The following PPFIA1 variants were observed in gnomAD, a reference collection of about 807,000 sequenced individuals.
PPFIA1 encodes the protein liprin-alpha-1.
A neutral mutation model predicts 149.9 loss-of-function variants in PPFIA1; 25 were observed. The observed-to-expected ratio is 0.17, with a 90% confidence interval of 0.12 to 0.23. PPFIA1 has a LOEUF of 0.23. PPFIA1 is among the 10% of genes least tolerant of loss of function. The pLI is 1.00. For missense variants in PPFIA1, 1,362 were observed against 1,506.5 expected, an observed-to-expected ratio of 0.90 and a Z score of 1.59; for synonymous variants, 549 against 552.8, an observed-to-expected ratio of 0.99 and a Z score of 0.10.
intron 2 of PPFIA1, among the ~76,000 whole-genome samples, chr11:70,302,092 G>A (rs2052522784): frequency 6.6e-6 from 1 of 152,234 alleles, no homozygotes; most frequent in Non-Finnish European, 1.5e-5. Flanking sequence ...ACAGAATCCA[G>A]CATAGCACAG....
At chr11:70,331,147 A>AT (rs1313491827) in intron 8 of PPFIA1, among the ~76,000 whole-genome samples, 1 of 151,824 alleles carries the variant, frequency 6.6e-6, no homozygotes, top group Non-Finnish European at 1.5e-5. Context: ...AGGCAGGAGA[A>AT]TCGCTTGAAC....
intron 5 of PPFIA1, 130 bp from the exon 6 acceptor site, chr11:70,326,132 G>T: frequency 1.7e-6 from 1 of 589,636 alleles, no homozygotes; most frequent in Non-Finnish European, 3.0e-6. Flanking sequence ...GGGTAGCATT[G>T]CCATATGCTT....
At chr11:70,373,859 A>G (rs1306577697) in intron 23 of PPFIA1, 1 of 152,220 alleles carries the variant, frequency 6.6e-6, no homozygotes, top group African/African-American at 2.4e-5. Context: ...GTAAGTCGAC[A>G]TTTATACAGT....
chr11:70,283,965 G>A (rs769262497), intron 2 of PPFIA1: 2 of 530,504 alleles, frequency 3.8e-6, no homozygotes, highest in South Asian at 1.4e-5. Flanking sequence ...CTTTTCTCAA[G>A]TATTGCTGTT....
intron 21 of PPFIA1, chr11:70,365,538 C>G (rs986950892): frequency 9.4e-6 from 4 of 425,032 alleles, no homozygotes; most frequent in Admixed American, 5.1e-5. Flanking sequence ...GTTTTCCATT[C>G]AGTCGTTCCA....
At chr11:70,277,715 T>A (rs2136039406) in intron 2 of PPFIA1, among the ~76,000 whole-genome samples, 1 of 152,228 alleles carries the variant, frequency 6.6e-6, no homozygotes, top group South Asian at 2.1e-4. Context: ...GGTCTCAAGC[T>A]CCTGACCTCA....
intron 2 of PPFIA1, among the ~76,000 whole-genome samples, chr11:70,283,659 A>G (rs916981298): frequency 6.6e-6 from 1 of 151,466 alleles, no homozygotes; most frequent in African/African-American, 2.4e-5. Flanking sequence ...CCAAACTAGG[A>G]TGCTAGAATC....
chr11:70,299,353 C>T (rs1299396163), intron 2 of PPFIA1, among the ~76,000 whole-genome samples: 4 of 152,226 alleles, frequency 2.6e-5, no homozygotes, highest in Middle Eastern at 3.4e-3. Context: ...ATGTTAATAC[C>T]GTGCTTCTGC....
chr11:70,352,574 G>A (rs966738856), intron 16 of PPFIA1, among the ~76,000 whole-genome samples: 1 of 152,076 alleles, frequency 6.6e-6, no homozygotes, highest in Non-Finnish European at 1.5e-5. Flanking sequence ...TGCGTGCAGA[G>A]TGCCAGGCCT....
intron 21 of PPFIA1, among the ~76,000 whole-genome samples, chr11:70,367,077 T>G (rs1441876922): frequency 6.6e-6 from 1 of 152,238 alleles, no homozygotes; most frequent in Non-Finnish European, 1.5e-5. Context: ...GGAGCAGAAT[T>G]TGGTTAATAC....
In PPFIA1 at chr11:70,362,192, A is replaced by G. The variant is rs975823708; in HGVS notation, c.2664+16A>G. 6.2e-7 allele frequency: 1 copy of G among 1,613,906 alleles called. No homozygotes were observed. Among genetic ancestry groups the G allele is most frequent in the Admixed American group, 1.7e-5 (1 of 60,028 alleles). ...CTGGCTAGAGGTACATCCTTCATTT[A>G]ACATGCAGTTGCGTGGGTTACAGTA... On this transcript the variant is annotated intron_variant, in intron 20 of 27. Transcript: ENST00000253925.
intron 2 of PPFIA1, among the ~76,000 whole-genome samples, chr11:70,313,580 G>A (rs1048536889): frequency 6.6e-6 from 1 of 152,092 alleles, no homozygotes; most frequent in Non-Finnish European, 1.5e-5. Flanking sequence ...GTGTGAGGGC[G>A]AATGAGGGGT....
rs139575836 is a variant in PPFIA1, at chr11:70,323,248, T to C, written c.265-1154T>C. Among the ~76,000 whole-genome samples, 282 of 152,302 alleles carry C rather than the reference T, an allele frequency of 1.9e-3. 2 individuals carry two copies. Among genetic ancestry groups the C allele is most frequent in the African/African-American group, 6.6e-3 (275 of 41,570 alleles). Reference sequence around the variant, plus strand: ...GCCCTAACATTTAAAGAGGTTTAAATGTCACCAAACTCGTTTCTCCCTGAA... The same window carrying C: ...GCCCTAACATTTAAAGAGGTTTAAACGTCACCAAACTCGTTTCTCCCTGAA... On this transcript the variant is annotated intron_variant, in intron 2 of 27. Coordinates refer to ENST00000253925, the MANE Select transcript of PPFIA1 (RefSeq NM_003626.5).
At chr11:70,362,613 A>G (rs1565449460) in intron 21 of PPFIA1, 125 bp downstream of exon 21, 1 of 975,302 alleles carries the variant, frequency 1.0e-6, no homozygotes, top group Non-Finnish European at 1.4e-6. Flanking sequence ...CTAATTCAAA[A>G]TTTTAGCATC....
intron 2 of PPFIA1, among the ~76,000 whole-genome samples, chr11:70,272,857 G>A (rs567091391): frequency 3.0e-4 from 46 of 151,860 alleles, no homozygotes; most frequent in Admixed American, 1.0e-3. Context: ...TTGATTTCAC[G>A]GAAAAAAAAA....
intron 15 of PPFIA1, among the ~76,000 whole-genome samples, chr11:70,347,009 C>T (rs2055742657): frequency 6.6e-6 from 1 of 152,148 alleles, no homozygotes; most frequent in Admixed American, 6.5e-5. Flanking sequence ...CAGAAATTTA[C>T]ATGAGGATGG....
At chr11:70,348,096 T>C in intron 15 of PPFIA1, 93 bp from the exon 16 acceptor site, 5 of 1,008,666 alleles carry the variant, frequency 5.0e-6, no homozygotes, top group Non-Finnish European at 6.1e-6. Context: ...AGTTTACTCA[T>C]AGTAATACAG....
At chr11:70,344,709 A>G (rs1324506898) in intron 15 of PPFIA1, among the ~76,000 whole-genome samples, 8 of 152,248 alleles carry the variant, frequency 5.3e-5, no homozygotes. Context: ...GCCAGGCCCC[A>G]TTACAGACCT....
chr11:70,333,200 G>A, intron 9 of PPFIA1: 1 of 551,336 alleles, frequency 1.8e-6, no homozygotes. Context: ...CGACTCCATT[G>A]AGATTGGGCA....
Sources: allele counts gnomAD v4.1 joint callset (sites outside exome capture counted in the v4.1 genomes callset), GRCh38; gene constraint gnomAD v4.1.1; transcripts MANE v1.5; gene names NCBI Gene and HGNC (gene_info 2026-07-23, HGNC 2026-07-21).